Variants in PLGRKT observed in about 807,000 individuals in gnomAD.
PLGRKT encodes the protein plasminogen receptor (KT).
A neutral mutation model predicts 18.5 loss-of-function variants in PLGRKT; 22 were observed. That is an observed-to-expected ratio of 1.19 (90% confidence interval 0.85 to 1.70). The LOEUF (loss-of-function observed/expected upper bound fraction) is 1.70, where lower values mean the gene tolerates loss of function less well. PLGRKT is among the 40% of genes most tolerant of loss of function. The pLI is 0.00. For missense variants in PLGRKT, 235 were observed against 174.4 expected (o/e 1.35, Z -1.96); for synonymous variants, 72 against 52.8 (o/e 1.36, Z -1.58).
At chr9:5,374,171 A>G (rs895658375) in intron 3 of PLGRKT, among the ~76,000 whole-genome samples, 15 of 152,154 alleles carry the variant, frequency 9.9e-5, no homozygotes, top group African/African-American at 3.6e-4. Flanking sequence ...GGAAATGGAG[A>G]GCAAAATCTA....
rs551534066 is a variant in PLGRKT at position 5,389,978 on chromosome 9, C to T, written c.82-28090G>A. Among the ~76,000 whole-genome samples the T allele has an allele frequency of 7.9e-5, 12 of 151,670 alleles. No homozygotes were observed. In the East Asian group the frequency reaches 2.3e-3, roughly 29 times the overall value. On this transcript the variant is annotated intron_variant, in intron 3 of 5. Transcript: ENST00000223864. ...TTCCAGGGTCCTGAAATGAAGAATA[C>T]CCAGGAAGGTTGGTACATCATGTCC...
chr9:5,427,854 G>A (rs915561503), intron 3 of PLGRKT, among the ~76,000 whole-genome samples: 6 of 152,206 alleles, frequency 3.9e-5, no homozygotes, highest in African/African-American at 1.4e-4. Flanking sequence ...GATTCCCAGA[G>A]ATCTGGTAGT....
chr9:5,391,670 C>T (rs978550248), intron 3 of PLGRKT, among the ~76,000 whole-genome samples: 4 of 151,928 alleles, frequency 2.6e-5, no homozygotes, highest in Non-Finnish European at 4.4e-5. Context: ...GTAAGGCTAG[C>T]TCTTCTCCAT....
chr9:5,382,270 T>C (rs1485300845), intron 3 of PLGRKT, among the ~76,000 whole-genome samples: 1 of 152,122 alleles, frequency 6.6e-6, no homozygotes, highest in African/African-American at 2.4e-5. Context: ...AAGAAGAAAT[T>C]TCAATGTTGG....
chr9:5,433,644 G>A (rs1303329738), intron 2 of PLGRKT, among the ~76,000 whole-genome samples: 2 of 142,292 alleles, frequency 1.4e-5, no homozygotes, highest in Admixed American at 7.0e-5. Flanking sequence ...GCCTTGGCCC[G>A]GCCGCCCCGT....
intron 3 of PLGRKT, among the ~76,000 whole-genome samples, chr9:5,416,808 C>A (rs1193360717): frequency 6.6e-6 from 1 of 152,214 alleles, no homozygotes; most frequent in East Asian, 1.9e-4. Context: ...GTGGCTTGAC[C>A]TTTCTTTGCC....
chr9:5,367,195 T>C (rs1246421594), intron 3 of PLGRKT, among the ~76,000 whole-genome samples: 1 of 152,112 alleles, frequency 6.6e-6, no homozygotes, highest in Non-Finnish European at 1.5e-5. Context: ...TTAAGTGCTA[T>C]TCCTATCAAA....
At chr9:5,372,197 T>A (rs991652646) in intron 3 of PLGRKT, among the ~76,000 whole-genome samples, 3 of 151,944 alleles carry the variant, frequency 2.0e-5, no homozygotes, top group African/African-American at 4.8e-5. Context: ...GCCAGGATAG[T>A]CTCGATCTCT....
At chr9:5,417,011 GC>G (rs1818474800) in intron 3 of PLGRKT, among the ~76,000 whole-genome samples, 1 of 152,292 alleles carries the variant, frequency 6.6e-6, no homozygotes, top group East Asian at 1.9e-4. Context: ...TTTTTAGTAG[GC>G]TCTTTAAACG....
rs948002858 is a variant in PLGRKT at position 5,360,513 on chromosome 9, G to A, written c.322+565C>T. Among the ~76,000 whole-genome samples, 26 of 152,230 alleles carry A rather than the reference G, an allele frequency of 1.7e-4. No individual in the cohort carries two copies. The East Asian group carries it at 4.6e-3, about 27-fold the overall frequency. ...CTCAGGCCATCATTTTTCAACCCCT[G>A]GTCCAGACAATCAACAAAATAAGAA... On this transcript the variant is annotated intron_variant, in intron 5 of 5. Transcript: ENST00000223864.
chr9:5,429,499 T>G (rs893211852), intron 3 of PLGRKT, among the ~76,000 whole-genome samples: 7 of 152,162 alleles, frequency 4.6e-5, no homozygotes, highest in Non-Finnish European at 7.3e-5. Flanking sequence ...TGTTCCTTAC[T>G]AAGGCTGTGA....
chr9:5,385,404 G>C (rs568086613), intron 3 of PLGRKT, among the ~76,000 whole-genome samples: 1 of 151,614 alleles, frequency 6.6e-6, no homozygotes, highest in Admixed American at 6.6e-5. Flanking sequence ...CACTGTGTTA[G>C]CCAGGATGGT....
intron 3 of PLGRKT, among the ~76,000 whole-genome samples, chr9:5,413,917 T>A (rs1433147408): frequency 6.6e-6 from 1 of 152,168 alleles, no homozygotes; most frequent in Non-Finnish European, 1.5e-5. Flanking sequence ...GATATACTGC[T>A]AAATGAAAAA....
chr9:5,413,272 T>G (rs1161990001), intron 3 of PLGRKT, among the ~76,000 whole-genome samples: 2 of 152,184 alleles, frequency 1.3e-5, no homozygotes, highest in Non-Finnish European at 2.9e-5. Flanking sequence ...ATTGAAGCAC[T>G]GTTTGTAATA....
chr9:5,387,354 T>G (rs1420727631), intron 3 of PLGRKT, among the ~76,000 whole-genome samples: 1 of 151,856 alleles, frequency 6.6e-6, no homozygotes, highest in Non-Finnish European at 1.5e-5. Flanking sequence ...ACATTTTCAT[T>G]CATAGCAACA....
intron 3 of PLGRKT, among the ~76,000 whole-genome samples, chr9:5,396,794 A>G (rs1054972241): frequency 2.6e-5 from 4 of 151,928 alleles, no homozygotes; most frequent in Non-Finnish European, 4.4e-5. Context: ...GCATTTTATC[A>G]TTATCATCTG....
intron 3 of PLGRKT, among the ~76,000 whole-genome samples, chr9:5,431,425 T>C (rs1442875383): frequency 6.7e-6 from 1 of 149,554 alleles, no homozygotes; most frequent in Non-Finnish European, 1.5e-5. Context: ...TCCCAGCTAC[T>C]AGGGAGGCTG....
At chr9:5,409,006 T>C (rs866903971) in intron 3 of PLGRKT, among the ~76,000 whole-genome samples, 1 of 152,220 alleles carries the variant, frequency 6.6e-6, no homozygotes, top group South Asian at 2.1e-4. Flanking sequence ...TGGGAGCCTC[T>C]TCCTAGATTT....
In PLGRKT at chr9:5,427,417, GA is replaced by G. The variant is rs367884089; in HGVS notation, c.81+4479del. ...GTGAAAGAGTGGAAGTTCTCAATAT[GA>G]AAAAAAAAATCATATGCCAAGGTTA... On this transcript the variant is annotated intron_variant, in intron 3 of 5. Coordinates refer to ENST00000223864, the MANE Select transcript of PLGRKT (RefSeq NM_018465.4). 3.6e-3 allele frequency among the ~76,000 whole-genome samples: 537 copies of G among 148,682 alleles called. 4 individuals are homozygous for G. Among genetic ancestry groups the G allele is most frequent in the African/African-American group, 0.013 (517 of 40,542 alleles).
Sources: allele counts gnomAD v4.1 joint callset (sites outside exome capture counted in the v4.1 genomes callset), GRCh38; gene constraint gnomAD v4.1.1; transcripts MANE v1.5; gene names NCBI Gene and HGNC (gene_info 2026-07-23, HGNC 2026-07-21).